Variants in IGSF21 observed in about 807,000 individuals in gnomAD.
The protein encoded by IGSF21 is immunoglobin superfamily member 21.
IGSF21 carries 28 observed loss-of-function variants against 46.8 expected under a neutral mutation model. The ratio of observed to expected loss-of-function variants is 0.60; its 90% CI spans 0.44 to 0.82. IGSF21 has a LOEUF of 0.82. Ranked by LOEUF, IGSF21 falls within the 40% of genes least tolerant of loss-of-function variation. The pLI, the probability that IGSF21 is intolerant of heterozygous loss-of-function variation, is 0.00. For synonymous variants in IGSF21, 284 were observed against 273.6 expected (o/e 1.04, Z -0.38); for missense variants, 624 against 665.5 (o/e 0.94, Z 0.69).
intron 1 of IGSF21, among the ~76,000 whole-genome samples, chr1:18,189,140 G>A (rs2086931592): frequency 6.6e-6 from 1 of 152,236 alleles, no homozygotes; most frequent in Non-Finnish European, 1.5e-5. Context: ...CAGGCCCAAG[G>A]CCTCATAGCG....
chr1:18,287,571 C>A (rs2085227174), intron 2 of IGSF21, among the ~76,000 whole-genome samples: 1 of 152,168 alleles, frequency 6.6e-6, no homozygotes, highest in South Asian at 2.1e-4. Context: ...GCCAGGCAAA[C>A]CCACACATCC....
At chr1:18,132,925 G>C (rs1428773562) in intron 1 of IGSF21, among the ~76,000 whole-genome samples, 3 of 152,094 alleles carry the variant, frequency 2.0e-5, no homozygotes, top group Non-Finnish European at 4.4e-5. Context: ...AGTGGGGGAG[G>C]GAGGGGACGG....
chr1:18,256,293 T>A (rs1444171267), intron 2 of IGSF21, among the ~76,000 whole-genome samples: 1 of 152,230 alleles, frequency 6.6e-6, no homozygotes, highest in African/African-American at 2.4e-5. Flanking sequence ...GCAACTGCAC[T>A]GCAATGGTTC....
rs553275218 is a variant in IGSF21 at position 18,185,131 on chromosome 1, T to C, written c.71-42767T>C. Reference sequence around the variant, plus strand: ...GAGGTGAGGTGAGCTGCCCAAGTTATAGAGATGGGATTAGAACCCCTCTCT... The same window carrying C: ...GAGGTGAGGTGAGCTGCCCAAGTTACAGAGATGGGATTAGAACCCCTCTCT... On this transcript the variant is annotated intron_variant, in intron 1 of 9. Coordinates refer to ENST00000251296, the MANE Select transcript of IGSF21 (RefSeq NM_032880.5). 1.2e-4 allele frequency among the ~76,000 whole-genome samples: 18 copies of C among 152,334 alleles called. No homozygotes were observed. The South Asian group carries it at 3.1e-3, about 26-fold the overall frequency.
chr1:18,314,096 T>G (rs1466156136), intron 3 of IGSF21, among the ~76,000 whole-genome samples: 1 of 152,232 alleles, frequency 6.6e-6, no homozygotes, highest in East Asian at 1.9e-4. Flanking sequence ...CTGTAATTAC[T>G]CTCACGGCCG....
At chr1:18,244,920 A>G (rs574142920) in intron 2 of IGSF21, among the ~76,000 whole-genome samples, 1 of 152,190 alleles carries the variant, frequency 6.6e-6, no homozygotes, top group Non-Finnish European at 1.5e-5. Context: ...CAGCATTGCC[A>G]CTTAGAAGCT....
intron 3 of IGSF21, among the ~76,000 whole-genome samples, chr1:18,303,506 A>G (rs1230371634): frequency 1.3e-5 from 2 of 152,130 alleles, no homozygotes; most frequent in African/African-American, 4.8e-5. Context: ...GGCCTTCCAG[A>G]GACAGCATCT....
At chr1:18,346,250 T>A (rs966183870) in intron 4 of IGSF21, among the ~76,000 whole-genome samples, 4 of 152,126 alleles carry the variant, frequency 2.6e-5, no homozygotes, top group African/African-American at 9.7e-5. Context: ...GGAAAGAGGA[T>A]GCAGCCAGCA....
In IGSF21 at chr1:18,378,259, C is replaced by T; in HGVS notation, c.1337C>T (p.Ser446Phe). The T allele has an allele frequency of 6.2e-7, 1 of 1,613,974 alleles. No homozygotes were observed. Among genetic ancestry groups the T allele is most frequent in the Non-Finnish European group, 8.5e-7 (1 of 1,179,902 alleles). ...IPRGTEDSNG[S>F]IGPTGARLTL... is the part of the protein sequence containing the mutation. ...CTTTCCCTGATTCCTGGCACAGGTT[C>T]CATTGGCCCCACTGGTGCCCGGCTC... Residue 446 changes from serine to phenylalanine, a missense_variant, in exon 10 of 10, where the codon TCC becomes TTC. Coordinates refer to ENST00000251296, the MANE Select transcript of IGSF21 (RefSeq NM_032880.5).
chr1:18,119,775 C>A (rs1369045947), intron 1 of IGSF21, among the ~76,000 whole-genome samples: 1 of 136,542 alleles, frequency 7.3e-6, no homozygotes, highest in East Asian at 2.1e-4. Context: ...TTTTTTTTTT[C>A]ATTGTAATTA....
chr1:18,307,690 C>A (rs904567610), intron 3 of IGSF21, among the ~76,000 whole-genome samples: 6 of 152,246 alleles, frequency 3.9e-5, no homozygotes, highest in African/African-American at 1.2e-4. Context: ...TGCGGGCAGA[C>A]AGGCAGCTGT....
chr1:18,303,340 G>A (rs542993933), intron 3 of IGSF21, among the ~76,000 whole-genome samples: 57 of 152,252 alleles, frequency 3.7e-4, no homozygotes, highest in African/African-American at 1.3e-3. Flanking sequence ...GAAGAGAAGC[G>A]ACTTGCACAA....
At chr1:18,202,482 C>T (rs1299058806) in intron 1 of IGSF21, among the ~76,000 whole-genome samples, 1 of 152,176 alleles carries the variant, frequency 6.6e-6, no homozygotes, top group Non-Finnish European at 1.5e-5. Context: ...TTAATTGACT[C>T]ACAGTTCCTC....
chr1:18,218,299 G>T (rs1037198758), intron 1 of IGSF21, among the ~76,000 whole-genome samples: 8 of 152,172 alleles, frequency 5.3e-5, no homozygotes, highest in Non-Finnish European at 5.9e-5. Context: ...TATCAAGAGA[G>T]CAGCAAGGGA....
At chr1:18,318,766 A>G (rs1031362246) in intron 3 of IGSF21, among the ~76,000 whole-genome samples, 1 of 152,134 alleles carries the variant, frequency 6.6e-6, no homozygotes, top group East Asian at 1.9e-4. Flanking sequence ...TTTGACTAAC[A>G]CTGAACGTTT....
chr1:18,332,587 C>T (rs2085724839), intron 3 of IGSF21, among the ~76,000 whole-genome samples: 1 of 151,728 alleles, frequency 6.6e-6, no homozygotes, highest in Non-Finnish European at 1.5e-5. Context: ...TTCAGTCTAG[C>T]TGAGTTACAA....
At chr1:18,323,221 C>A (rs223223) in intron 3 of IGSF21, among the ~76,000 whole-genome samples, 2 of 151,992 alleles carry the variant, frequency 1.3e-5, no homozygotes, top group Non-Finnish European at 2.9e-5. Flanking sequence ...TCATGACTGG[C>A]AGGTCTGGGG....
chr1:18,198,174 G>T (rs376355019), intron 1 of IGSF21, among the ~76,000 whole-genome samples: 1 of 152,132 alleles, frequency 6.6e-6, no homozygotes, highest in Non-Finnish European at 1.5e-5. Flanking sequence ...AATCTGTCTC[G>T]AAGTGAACAC....
intron 6 of IGSF21, among the ~76,000 whole-genome samples, chr1:18,372,928 A>G (rs1185094882): frequency 2.0e-5 from 3 of 151,840 alleles, no homozygotes; most frequent in African/African-American, 7.2e-5. Flanking sequence ...CTTAGAAAGC[A>G]TCCAGAATTC....
Sources: gnomAD v4.1 joint callset for allele counts (sites outside exome capture counted in the v4.1 genomes callset) on GRCh38, gnomAD v4.1.1 for gene constraint, MANE v1.5 for transcripts, NCBI Gene and HGNC (gene_info 2026-07-23, HGNC 2026-07-21) for gene names.